Variants in NEGR1 observed in about 807,000 individuals in gnomAD.
NEGR1 encodes IgLON family member 4.
A neutral mutation model predicts 40.9 loss-of-function variants in NEGR1; 10 were observed. That is an observed-to-expected ratio of 0.24 (90% CI 0.15 to 0.42). The LOEUF is 0.42. Among genes scored for constraint, NEGR1 ranks in the 10% least tolerant of loss-of-function variants. NEGR1 has a pLI of 1.00. For missense variants in NEGR1, 352 were observed against 438.9 expected (o/e 0.80, Z 1.77); for synonymous variants, 185 against 166.8 (o/e 1.11, Z -0.84).
chr1:72,045,539 T>C (rs1354971431), intron 1 of NEGR1, among the ~76,000 whole-genome samples: 2 of 151,878 alleles, frequency 1.3e-5, no homozygotes, highest in East Asian at 3.9e-4. Context: ...GTTTTAAAAA[T>C]GAGAGTTTCC....
intron 4 of NEGR1, among the ~76,000 whole-genome samples, chr1:71,656,423 T>A (rs1420533421): frequency 2.0e-5 from 3 of 152,174 alleles, no homozygotes; most frequent in African/African-American, 7.2e-5. Flanking sequence ...TTGTTGTTGT[T>A]GTTGTTTGAG....
At chr1:72,109,282 C>T (rs1005918845) in intron 1 of NEGR1, among the ~76,000 whole-genome samples, 3 of 151,654 alleles carry the variant, frequency 2.0e-5, no homozygotes, top group South Asian at 2.1e-4. Context: ...TACTTCTCTC[C>T]GTTTTATCTG....
chr1:71,636,590 C>A (rs573154421), intron 4 of NEGR1, among the ~76,000 whole-genome samples: 1 of 152,168 alleles, frequency 6.6e-6, no homozygotes, highest in Non-Finnish European at 1.5e-5. Flanking sequence ...CCATAAGATT[C>A]TATCAGGTGC....
chr1:71,819,458 G>A (rs917085514), intron 2 of NEGR1, among the ~76,000 whole-genome samples: 1 of 151,712 alleles, frequency 6.6e-6, no homozygotes, highest in Admixed American at 6.6e-5. Flanking sequence ...AATAAGAAGA[G>A]TATATTATGA....
At chr1:71,700,712 T>A (rs1000491653) in intron 3 of NEGR1, among the ~76,000 whole-genome samples, 1 of 151,980 alleles carries the variant, frequency 6.6e-6, no homozygotes, top group African/African-American at 2.4e-5. Context: ...AGCAGAAGCC[T>A]ATGGTAACCA....
At chr1:72,035,587 GA>G (rs1646895210) in intron 1 of NEGR1, among the ~76,000 whole-genome samples, 1 of 152,136 alleles carries the variant, frequency 6.6e-6, no homozygotes, top group Non-Finnish European at 1.5e-5. Flanking sequence ...AAGTGAGTAT[GA>G]ATGTATAATC....
At chr1:72,137,111 G>C (rs1325944101) in intron 1 of NEGR1, among the ~76,000 whole-genome samples, 1 of 152,146 alleles carries the variant, frequency 6.6e-6, no homozygotes, top group Admixed American at 6.5e-5. Flanking sequence ...TGCTGGAGAG[G>C]ATGTGAAGAA....
intron 6 of NEGR1, among the ~76,000 whole-genome samples, chr1:71,483,764 G>A (rs1646869314): frequency 1.3e-5 from 2 of 151,682 alleles, no homozygotes; most frequent in Admixed American, 1.3e-4. Context: ...TCTGTTAAAA[G>A]GCAACTGTCA....
intron 1 of NEGR1, among the ~76,000 whole-genome samples, chr1:71,999,528 A>G (rs1646535538): frequency 6.7e-6 from 1 of 149,710 alleles, no homozygotes; most frequent in African/African-American, 2.5e-5. Flanking sequence ...ACAAGCATCT[A>G]TTTTCACTTA....
intron 2 of NEGR1, among the ~76,000 whole-genome samples, chr1:71,808,178 G>A (rs1279866139): frequency 2.6e-5 from 4 of 152,092 alleles, no homozygotes; most frequent in African/African-American, 4.8e-5. Context: ...CAACTCTTAA[G>A]AGGGAAAATC....
intron 1 of NEGR1, among the ~76,000 whole-genome samples, chr1:71,974,830 A>T (rs1475750659): frequency 6.6e-6 from 1 of 152,208 alleles, no homozygotes; most frequent in East Asian, 1.9e-4. Context: ...TACCTTAATC[A>T]TGATGCTACA....
At chr1:71,687,409 T>C (rs571056319) in intron 4 of NEGR1, among the ~76,000 whole-genome samples, 1 of 152,276 alleles carries the variant, frequency 6.6e-6, no homozygotes, top group South Asian at 2.1e-4. Context: ...CAGTGGGCAT[T>C]TTGTTTTGTT....
chr1:71,521,040 G>T (rs375529559), intron 6 of NEGR1, among the ~76,000 whole-genome samples: 1 of 152,120 alleles, frequency 6.6e-6, no homozygotes, highest in Admixed American at 6.5e-5. Flanking sequence ...TGTCACTCTA[G>T]GGAATCTTAA....
intron 2 of NEGR1, among the ~76,000 whole-genome samples, chr1:71,872,790 G>T (rs192951180): frequency 6.6e-6 from 1 of 152,252 alleles, no homozygotes; most frequent in African/African-American, 2.4e-5. Flanking sequence ...AAACCCAAAA[G>T]AAGTAGGCAA....
chr1:71,502,439 A>C (rs1647005783), intron 6 of NEGR1, among the ~76,000 whole-genome samples: 1 of 152,154 alleles, frequency 6.6e-6, no homozygotes, highest in African/African-American at 2.4e-5. Flanking sequence ...CTGATCTTGC[A>C]AGATCGCCAT....
chr1:72,013,694 G>A (rs551830403), intron 1 of NEGR1, among the ~76,000 whole-genome samples: 1 of 151,910 alleles, frequency 6.6e-6, no homozygotes, highest in Admixed American at 6.6e-5. Flanking sequence ...ATGCTTATGA[G>A]CACTTCTAGA....
intron 1 of NEGR1, among the ~76,000 whole-genome samples, chr1:71,978,781 G>A (rs1646329572): frequency 6.6e-6 from 1 of 151,946 alleles, no homozygotes; most frequent in Non-Finnish European, 1.5e-5. Flanking sequence ...CAACCTTTGT[G>A]GAATGAAGTT....
At position 71,571,692 on chromosome 1, in the gene NEGR1, C is replaced by T. The variant is rs115685460; in HGVS notation, c.940+21125G>A. ...CCTGTAGTCCCAACTACCCAGGGGG[C>T]TGAGGTGGGAAGATGGCTTAAGCCC... On this transcript the variant is annotated intron_variant, in intron 6 of 6. Transcript: ENST00000357731. 7.9e-3 allele frequency among the ~76,000 whole-genome samples: 1,172 copies of T among 149,016 alleles called. 26 individuals are homozygous for T. Among genetic ancestry groups the T allele is most frequent in the African/African-American group, 0.028 (1,125 of 40,362 alleles).
chr1:71,765,632 T>C (rs1336729217), intron 3 of NEGR1, among the ~76,000 whole-genome samples: 3 of 152,252 alleles, frequency 2.0e-5, no homozygotes, highest in Middle Eastern at 3.4e-3. Context: ...TTCTGTCCCA[T>C]TATGACACTG....
Sources: allele counts gnomAD v4.1 joint callset (sites outside exome capture counted in the v4.1 genomes callset), GRCh38; gene constraint gnomAD v4.1.1; transcripts MANE v1.5; gene names NCBI Gene and HGNC (gene_info 2026-07-23, HGNC 2026-07-21).